ARB2A: variants seen among roughly 807,000 people sequenced by gnomAD.
ARB2A encodes the protein cotranscriptional regulator ARB2A.
chr5:94,081,075 C>T, the ARB2A span, among the ~76,000 whole-genome samples: 19 of 152,074 alleles, frequency 1.2e-4, no homozygotes, highest in Admixed American at 1.2e-3. Context: ...CCAAAAAGCA[C>T]ATAAAAGATG....
chr5:94,036,065 C>T, the ARB2A span, among the ~76,000 whole-genome samples: 1 of 151,954 alleles, frequency 6.6e-6, no homozygotes, highest in Admixed American at 6.6e-5. Context: ...TTTCACTGGC[C>T]ATTGTTTTTA....
the ARB2A span, among the ~76,000 whole-genome samples, chr5:93,798,850 A>T: frequency 8.5e-5 from 13 of 152,118 alleles, no homozygotes; most frequent in African/African-American, 3.1e-4. Context: ...CCTTCCTTGT[A>T]ATACTACAGG....
chr5:93,807,192 T>C, the ARB2A span, among the ~76,000 whole-genome samples: 1 of 151,940 alleles, frequency 6.6e-6, no homozygotes, highest in Non-Finnish European at 1.5e-5. Flanking sequence ...TAATTAGCTG[T>C]GTAGGCAAAT....
At chr5:94,064,179 GGA>G in the ARB2A span, among the ~76,000 whole-genome samples, 1 of 152,008 alleles carries the variant, frequency 6.6e-6, no homozygotes, top group Non-Finnish European at 1.5e-5. Context: ...CAGAAATCCT[GGA>G]ACTGAAGATT....
chr5:93,879,144 A>G, the ARB2A span, among the ~76,000 whole-genome samples: 1 of 152,082 alleles, frequency 6.6e-6, no homozygotes, highest in African/African-American at 2.4e-5. Context: ...AGTAGAGAGA[A>G]GAAGAGCACT....
At chr5:93,934,250 T>C in the ARB2A span, among the ~76,000 whole-genome samples, 1 of 152,070 alleles carries the variant, frequency 6.6e-6, no homozygotes, top group Non-Finnish European at 1.5e-5. Flanking sequence ...ATCACACAAA[T>C]CACCTATAAA....
chr5:93,837,152 C>A, the ARB2A span, among the ~76,000 whole-genome samples: 4 of 152,106 alleles, frequency 2.6e-5, no homozygotes, highest in East Asian at 7.7e-4. Context: ...CTCAAGTAGG[C>A]CCTTTTTGTG....
chr5:93,875,015 A>T, the ARB2A span, among the ~76,000 whole-genome samples: 30 of 152,280 alleles, frequency 2.0e-4, no homozygotes, highest in South Asian at 2.1e-4. Context: ...AAGTCTTGCT[A>T]TATCAGGTTT....
chr5:93,783,607 A>G, the ARB2A span, among the ~76,000 whole-genome samples: 6 of 152,138 alleles, frequency 3.9e-5, no homozygotes, highest in Non-Finnish European at 7.4e-5. Flanking sequence ...TTCATACTAT[A>G]TAAGTAAATG....
the ARB2A span, among the ~76,000 whole-genome samples, chr5:93,972,175 C>T: frequency 1.3e-5 from 2 of 152,070 alleles, no homozygotes; most frequent in Admixed American, 1.3e-4. Flanking sequence ...GCTTTTCATG[C>T]TTCTCCATTG....
chr5:94,087,203 G>A, the ARB2A span, among the ~76,000 whole-genome samples: 1 of 152,100 alleles, frequency 6.6e-6, no homozygotes, highest in Admixed American at 6.6e-5. Flanking sequence ...AAATACTTTT[G>A]TACAGCTGAA....
At chr5:94,085,909 T>C in the ARB2A span, among the ~76,000 whole-genome samples, 2 of 152,200 alleles carry the variant, frequency 1.3e-5, no homozygotes, top group Non-Finnish European at 2.9e-5. Context: ...ATATCATTTA[T>C]ATTGAGCTAA....
chr5:93,732,453 G>A, the ARB2A span, among the ~76,000 whole-genome samples: 4 of 152,078 alleles, frequency 2.6e-5, no homozygotes, highest in South Asian at 8.3e-4. Flanking sequence ...CTAAATATGG[G>A]TTAACTACAG....
At chr5:93,632,968 G>T in the ARB2A span, among the ~76,000 whole-genome samples, 9 of 152,130 alleles carry the variant, frequency 5.9e-5, no homozygotes, top group Non-Finnish European at 1.2e-4. Context: ...TAAGGTATTG[G>T]GATGGGGAAT....
At chr5:93,677,345 A>G in the ARB2A span, among the ~76,000 whole-genome samples, 2 of 152,202 alleles carry the variant, frequency 1.3e-5, no homozygotes, top group Non-Finnish European at 2.9e-5. Context: ...CAAGATTCCT[A>G]TTCTGTCTCC....
the ARB2A span, among the ~76,000 whole-genome samples, chr5:93,774,611 G>C: frequency 2.6e-5 from 4 of 152,208 alleles, no homozygotes; most frequent in East Asian, 1.9e-4. Flanking sequence ...CATTTTTCTA[G>C]TTTTGTGCCT....
chr5:93,913,469 C>T, the ARB2A span, among the ~76,000 whole-genome samples: 7 of 151,820 alleles, frequency 4.6e-5, no homozygotes, highest in Non-Finnish European at 8.8e-5. Flanking sequence ...TTGTCCTCCT[C>T]GGATACTAGA....
chr5:93,784,879 T>C, the ARB2A span, among the ~76,000 whole-genome samples: 1 of 152,166 alleles, frequency 6.6e-6, no homozygotes, highest in Non-Finnish European at 1.5e-5. Flanking sequence ...GTTAGCTACT[T>C]AGGACTAACT....
At chr5:94,021,291 T>C in the ARB2A span, among the ~76,000 whole-genome samples, 325 of 152,312 alleles carry the variant, frequency 2.1e-3, 1 homozygote, top group African/African-American at 6.6e-3. Context: ...CCTTAACTTA[T>C]GACTGATTCT....
Sources: allele counts gnomAD v4.1 joint callset (sites outside exome capture counted in the v4.1 genomes callset), GRCh38; gene constraint gnomAD v4.1.1; transcripts MANE v1.5; gene names NCBI Gene and HGNC (gene_info 2026-07-23, HGNC 2026-07-21).